Variants in WWOX observed in about 807,000 individuals in gnomAD.
WWOX encodes WW domain containing oxidoreductase, also known as WW domain-containing oxidoreductase.
WWOX carries 69 observed loss-of-function variants against 46.2 expected under a neutral mutation model. The ratio of observed to expected loss-of-function variants is 1.49; its 90% CI spans 1.23 to 1.82. The LOEUF (loss-of-function observed/expected upper bound fraction) is 1.82, where lower values mean the gene tolerates loss of function less well. Among genes scored for constraint, WWOX ranks in the 40% most tolerant of loss-of-function variants. The probability of loss-of-function intolerance (pLI) is 0.00; values close to 1 mark genes in which losing one functional copy is unlikely to be tolerated. For missense variants in WWOX, 919 were observed against 542.6 expected (o/e 1.69, Z -6.89); for synonymous variants, 359 against 202.6 (o/e 1.77, Z -6.56).
In WWOX at chr16:78,549,553, C is replaced by T. The variant is rs112256410; in HGVS notation, c.1056+116801C>T. Among the ~76,000 whole-genome samples the T allele has an allele frequency of 2.8e-4, 42 of 152,252 alleles. 1 individual carries two copies. Among genetic ancestry groups the T allele is most frequent in the African/African-American group, 9.6e-4 (40 of 41,572 alleles). On this transcript the variant is annotated intron_variant, in intron 8 of 8. Coordinates refer to ENST00000566780, the MANE Select transcript of WWOX (RefSeq NM_016373.4). ...TCTCCTTTTTGTCCATCTCTTAAATCAGTCACTTGGCAGCAGCAAGACATG... is the reference window on the plus strand; with the variant it reads ...TCTCCTTTTTGTCCATCTCTTAAATTAGTCACTTGGCAGCAGCAAGACATG...
intron 8 of WWOX, among the ~76,000 whole-genome samples, chr16:78,537,738 G>C (rs939521209): frequency 2.8e-4 from 42 of 152,170 alleles, no homozygotes; most frequent in Non-Finnish European, 5.9e-4. Flanking sequence ...GCTTCCTTTT[G>C]GGTGATGAGG....
intron 8 of WWOX, among the ~76,000 whole-genome samples, chr16:79,116,845 C>G (rs2049526166): frequency 1.3e-5 from 2 of 152,058 alleles, no homozygotes; most frequent in South Asian, 4.2e-4. Context: ...CCAGATCCAT[C>G]AGAAGAATAC....
intron 8 of WWOX, among the ~76,000 whole-genome samples, chr16:78,434,588 A>T (rs1386190065): frequency 6.6e-6 from 1 of 152,188 alleles, no homozygotes; most frequent in African/African-American, 2.4e-5. Context: ...AGCCCAGTCA[A>T]CCATCATTTG....
intron 8 of WWOX, among the ~76,000 whole-genome samples, chr16:78,657,411 C>G (rs958094757): frequency 9.9e-5 from 15 of 152,272 alleles, no homozygotes; most frequent in African/African-American, 2.9e-4. Flanking sequence ...TCCCAGGGCC[C>G]TGCAGCATGT....
chr16:78,457,909 C>CAAA lies in WWOX; in HGVS notation c.1056+25174_1056+25176dup, dbSNP rs57956003. ...CCAGCCTGAGCGTGAGACTCTGACT[C>CAAA]AAAAAAAAAAAAAAAAAAATTAGCT... On this transcript the variant is annotated intron_variant, in intron 8 of 8. Coordinates refer to ENST00000566780, the MANE Select transcript of WWOX (RefSeq NM_016373.4). 2.0e-4 allele frequency among the ~76,000 whole-genome samples: 17 copies of CAAA among 86,984 alleles called. 1 individual carries two copies. Among genetic ancestry groups the CAAA allele is most frequent in the African/African-American group, 7.5e-4 (13 of 17,310 alleles). 57.1% of individuals were successfully genotyped at this position (86,984 alleles called of 152,430 possible). A position where few individuals can be genotyped will look rare whatever the true frequency, so the allele number is the denominator to read the frequency against.
chr16:78,993,829 C>T (rs1342930554), intron 8 of WWOX, among the ~76,000 whole-genome samples: 1 of 152,184 alleles, frequency 6.6e-6, no homozygotes, highest in Non-Finnish European at 1.5e-5. Context: ...TGCAAGAAGC[C>T]AAGACGCCTG....
chr16:79,120,480 C>T (rs964610324), intron 8 of WWOX, among the ~76,000 whole-genome samples: 8 of 152,178 alleles, frequency 5.3e-5, no homozygotes, highest in Non-Finnish European at 8.8e-5. Flanking sequence ...ATATATCTCA[C>T]ATGGTGCCCA....
intron 6 of WWOX, among the ~76,000 whole-genome samples, chr16:78,414,523 C>A (rs143768215): frequency 6.6e-6 from 1 of 152,142 alleles, no homozygotes; most frequent in Non-Finnish European, 1.5e-5. Context: ...GAGCCAATTG[C>A]GCCACTGCAC....
At position 78,578,282 on chromosome 16, in the gene WWOX, A is replaced by ATTTTT. The variant is rs1227489730; in HGVS notation, c.1056+145531_1056+145532insTTTTT. 3.6e-3 allele frequency among the ~76,000 whole-genome samples: 122 copies of ATTTTT among 34,200 alleles called. 5 individuals carry two copies. The highest frequency in any genetic ancestry group is 7.7e-3 in the African/African-American group (55 of 7,118). The allele number at this position is 34,200 out of a possible 152,430, so 22.4% of individuals were successfully genotyped here. A position where few individuals can be genotyped will look rare whatever the true frequency, so the allele number is the denominator to read the frequency against. ...TATATATATATATATATATATATATATATTTTTTTTTTTTTTTTTTTTTTT... is the reference window on the plus strand; with the variant it reads ...TATATATATATATATATATATATATATTTTTTATTTTTTTTTTTTTTTTTTTTTTT... On this transcript the variant is annotated intron_variant, in intron 8 of 8. Coordinates refer to ENST00000566780, the MANE Select transcript of WWOX (RefSeq NM_016373.4).
At chr16:79,198,467 C>T (rs545756193) in intron 8 of WWOX, among the ~76,000 whole-genome samples, 11 of 152,322 alleles carry the variant, frequency 7.2e-5, no homozygotes, top group South Asian at 6.2e-4. Context: ...ATTATTTTCC[C>T]ATGGGCAATT....
intron 5 of WWOX, among the ~76,000 whole-genome samples, chr16:78,178,065 A>G (rs779206252): frequency 1.3e-5 from 2 of 152,206 alleles, no homozygotes; most frequent in Non-Finnish European, 2.9e-5. Flanking sequence ...ACCCTGTGTT[A>G]GGAGGAGGGT....
At chr16:78,345,854 G>T (rs2081086266) in intron 5 of WWOX, among the ~76,000 whole-genome samples, 1 of 118,480 alleles carries the variant, frequency 8.4e-6, no homozygotes, top group Non-Finnish European at 2.0e-5. Flanking sequence ...GGATTGGTTT[G>T]ATCAACTTTG....
intron 8 of WWOX, among the ~76,000 whole-genome samples, chr16:79,109,387 G>C (rs1234667252): frequency 6.6e-6 from 1 of 152,150 alleles, no homozygotes; most frequent in African/African-American, 2.4e-5. Flanking sequence ...AATGTCTCCG[G>C]AGTTTAATGG....
At chr16:79,090,425 A>G (rs549488125) in intron 8 of WWOX, among the ~76,000 whole-genome samples, 2 of 152,166 alleles carry the variant, frequency 1.3e-5, no homozygotes, top group South Asian at 2.1e-4. Context: ...AGGGCCCTCT[A>G]TGTGCAATAC....
chr16:78,442,488 C>A (rs1179107062), intron 8 of WWOX, among the ~76,000 whole-genome samples: 1 of 152,158 alleles, frequency 6.6e-6, no homozygotes, highest in Non-Finnish European at 1.5e-5. Flanking sequence ...CTGCCCTCTA[C>A]TCTCTGCTTC....
intron 8 of WWOX, among the ~76,000 whole-genome samples, chr16:79,079,540 G>T (rs1046616900): frequency 1.3e-5 from 2 of 152,106 alleles, no homozygotes; most frequent in African/African-American, 4.8e-5. Context: ...CCCATTGTTT[G>T]CACTTCCCCT....
chr16:78,386,948 T>G lies in WWOX; in HGVS notation c.605T>G (p.Val202Gly), dbSNP rs112636835. The G allele has an allele frequency of 9.8e-5, 158 of 1,613,692 alleles. 2 individuals carry two copies. The highest frequency in any genetic ancestry group is 1.3e-4 in the Non-Finnish European group (149 of 1,179,708). ...HFAEAFKAKN[V>G]PLHVLVCNAA... is the part of the protein sequence containing the mutation. ...GCTGAAGCATTCAAGGCCAAGAATGTGTGAGTGTTCCAGTGGAGGGTTATA... is the reference window on the plus strand; with the variant it reads ...GCTGAAGCATTCAAGGCCAAGAATGGGTGAGTGTTCCAGTGGAGGGTTATA... Residue 202 changes from valine (V) to glycine (G), a missense_variant and splice_region_variant, in exon 6 of 9, where the codon GTG becomes GGG. Val to Gly is a moderately radical substitution (Grantham distance 109). Coordinates refer to ENST00000566780, the MANE Select transcript of WWOX (RefSeq NM_016373.4).
intron 8 of WWOX, among the ~76,000 whole-genome samples, chr16:79,138,696 C>T (rs2050030247): frequency 6.6e-6 from 1 of 152,206 alleles, no homozygotes; most frequent in Non-Finnish European, 1.5e-5. Context: ...TGGTCACTTG[C>T]TTGCACACAC....
intron 8 of WWOX, among the ~76,000 whole-genome samples, chr16:78,665,491 TG>T (rs754298629): frequency 3.0e-4 from 46 of 152,126 alleles, no homozygotes; most frequent in Non-Finnish European, 4.1e-4. Flanking sequence ...GAGTGGAATC[TG>T]GGGGCAAGAG....
Sources: allele counts gnomAD v4.1 joint callset (sites outside exome capture counted in the v4.1 genomes callset), GRCh38; gene constraint gnomAD v4.1.1; transcripts MANE v1.5; gene names NCBI Gene and HGNC (gene_info 2026-07-23, HGNC 2026-07-21).